The following CYP2C8 variants were observed in gnomAD, a reference collection of about 807,000 sequenced individuals.
CYP2C8 encodes the protein cytochrome P450 2C8.
Under a neutral mutation model 41.3 loss-of-function variants are expected in CYP2C8, and 51 were observed. The ratio of observed to expected loss-of-function variants is 1.24; its 90% confidence interval spans 0.99 to 1.56. The LOEUF is 1.56. CYP2C8 is among the 40% of genes most tolerant of loss of function. The pLI is 0.00. For synonymous variants in CYP2C8, 218 were observed against 205.8 expected (o/e 1.06, Z -0.51); for missense variants, 651 against 579.9 (o/e 1.12, Z -1.26).
chr10:95,060,328 G>A (rs2033401417), intron 4 of CYP2C8, among the ~76,000 whole-genome samples: 1 of 152,146 alleles, frequency 6.6e-6, no homozygotes, highest in African/African-American at 2.4e-5. Flanking sequence ...TTGAGCAGTT[G>A]TTTGTAGTTC....
At chr10:95,052,544 C>T (rs1425085200) in intron 5 of CYP2C8, among the ~76,000 whole-genome samples, 3 of 151,832 alleles carry the variant, frequency 2.0e-5, no homozygotes, top group Admixed American at 6.6e-5. Flanking sequence ...CAAAAATCCT[C>T]AAGAAAATAG....
chr10:95,047,531 A>G (rs1322792742), intron 5 of CYP2C8, among the ~76,000 whole-genome samples: 1 of 152,200 alleles, frequency 6.6e-6, no homozygotes, highest in Non-Finnish European at 1.5e-5. Context: ...CACAAAGACA[A>G]GACAGGTCTA....
At chr10:95,053,074 TAAAC>T (rs1479730962) in intron 5 of CYP2C8, among the ~76,000 whole-genome samples, 4 of 152,066 alleles carry the variant, frequency 2.6e-5, no homozygotes, top group African/African-American at 2.4e-5. Context: ...TGAGAAATAA[TAAAC>T]AAATTCCGTA....
At chr10:95,042,351 GTCATCAGAATAGTATAATTGAA>G (rs1402587945) in intron 7 of CYP2C8, among the ~76,000 whole-genome samples, 1 of 151,926 alleles carries the variant, frequency 6.6e-6, no homozygotes, top group Admixed American at 6.6e-5. Context: ...TAGATATAAG[GTCATCAGAATAGTATAATTGAA>G]TACAATTACT....
At position 95,042,975 on chromosome 10, in the gene CYP2C8, A is replaced by T. The variant is rs1285665051; in HGVS notation, c.1064T>A (p.Ile355Asn). The T allele has an allele frequency of 1.9e-6, 3 of 1,614,154 alleles. No homozygotes were observed. In the South Asian group the frequency reaches 3.3e-5, roughly 18 times the overall value. Residue 355 changes from isoleucine to asparagine, a missense_variant, in exon 7 of 9, where the codon ATC (isoleucine) becomes AAC (asparagine). Ile to Asn is a moderately radical substitution (Grantham distance 149). Transcript: ENST00000371270. The stretch of plus-strand genomic sequence containing the variant: ...GGGGACAAGGTCACTGTATCTCTGG[A>T]TCTCGTGCACTACAGCATCAGTGTA... Reference protein sequence around the residue: ...MPYTDAVVHEIQRYSDLVPTG... With the variant: ...MPYTDAVVHENQRYSDLVPTG...
intron 4 of CYP2C8, among the ~76,000 whole-genome samples, chr10:95,061,920 G>A (rs1055389735): frequency 2.0e-5 from 3 of 152,190 alleles, no homozygotes; most frequent in Non-Finnish European, 2.9e-5. Flanking sequence ...TCAGGAGCAG[G>A]TTGTTCAGTG....
intron 5 of CYP2C8, 38 bp downstream of exon 5, chr10:95,058,297 C>A (rs2033349790): frequency 1.2e-6 from 2 of 1,610,524 alleles, no homozygotes; most frequent in Non-Finnish European, 1.7e-6. Flanking sequence ...ACAAAATGGA[C>A]AAGAAATCAA....
intron 7 of CYP2C8, chr10:95,039,439 GTAAA>G: frequency 4.8e-6 from 1 of 207,394 alleles, no homozygotes; most frequent in Admixed American, 5.3e-5. Context: ...TAGAACTTTT[GTAAA>G]TAAACATGTA....
chr10:95,061,123 C>G (rs1206637703), intron 4 of CYP2C8, among the ~76,000 whole-genome samples: 1 of 152,128 alleles, frequency 6.6e-6, no homozygotes, highest in Non-Finnish European at 1.5e-5. Context: ...GTGTCTCTGC[C>G]AGGCTTTGTT....
intron 7 of CYP2C8, among the ~76,000 whole-genome samples, chr10:95,039,718 T>C (rs1170924238): frequency 6.6e-6 from 1 of 152,152 alleles, no homozygotes; most frequent in African/African-American, 2.4e-5. Context: ...TCCCATAGAT[T>C]TTTACTAGTT....
chr10:95,042,969 C>A lies in CYP2C8; in HGVS notation c.1070G>T (p.Arg357Ile). The A allele has an allele frequency of 6.2e-7, 1 of 1,614,204 alleles. No homozygotes were observed. Among genetic ancestry groups the A allele is most frequent in the Non-Finnish European group, 8.5e-7 (1 of 1,180,020 alleles). The change falls in exon 7 of 9, where the codon AGA (arginine) becomes ATA (isoleucine). Residue 357 changes from arginine (R) to isoleucine (I), a missense_variant. Physicochemically the swap from Arg to Ile is moderately conservative, Grantham distance 97. Coordinates refer to ENST00000371270, the MANE Select transcript of CYP2C8 (RefSeq NM_000770.3). ...ACCGGTGGGGACAAGGTCACTGTAT[C>A]TCTGGATCTCGTGCACTACAGCATC... ...YTDAVVHEIQRYSDLVPTGVP... is the reference protein window; with the variant it reads ...YTDAVVHEIQIYSDLVPTGVP...
intron 5 of CYP2C8, among the ~76,000 whole-genome samples, chr10:95,051,164 G>A (rs1189988186): frequency 1.3e-5 from 2 of 152,088 alleles, no homozygotes; most frequent in East Asian, 3.9e-4. Context: ...ATTTACAAGA[G>A]TCAAGCAGAG....
chr10:95,044,122 C>CT (rs1241399549), intron 6 of CYP2C8, among the ~76,000 whole-genome samples: 1 of 152,180 alleles, frequency 6.6e-6, no homozygotes, highest in Non-Finnish European at 1.5e-5. Context: ...CTCTGACACT[C>CT]TCATTCTCTT....
intron 7 of CYP2C8, 24 bp downstream of exon 7, chr10:95,042,866 A>G: frequency 6.3e-7 from 1 of 1,597,536 alleles, no homozygotes; most frequent in Non-Finnish European, 8.6e-7. Flanking sequence ...GTACAGAAAT[A>G]TAGTGTAAGA....
At chr10:95,066,153 A>AGAGAGAGAGAGAGAGAGTGT (rs1342809282) in intron 3 of CYP2C8, among the ~76,000 whole-genome samples, 6 of 88,272 alleles carry the variant, frequency 6.8e-5, no homozygotes, top group South Asian at 4.2e-4. Flanking sequence ...AGAGAGAGAG[A>AGAGAGAGAGAGAGAGAGTGT]GTGTGTGTGT....
chr10:95,058,616 TC>T, intron 4 of CYP2C8, 105 bp from the exon 5 acceptor site: 1 of 1,073,156 alleles, frequency 9.3e-7, no homozygotes, highest in Non-Finnish European at 1.3e-6. Context: ...AGACATCATG[TC>T]CATTTTGAAG....
chr10:95,065,551 C>A (rs2033543906), intron 3 of CYP2C8, among the ~76,000 whole-genome samples: 1 of 152,114 alleles, frequency 6.6e-6, no homozygotes, highest in African/African-American at 2.4e-5. Context: ...AAAATGCTAA[C>A]TTTTTATTTC....
intron 3 of CYP2C8, among the ~76,000 whole-genome samples, chr10:95,066,195 AG>A: frequency 7.7e-6 from 1 of 130,402 alleles, no homozygotes; most frequent in East Asian, 2.1e-4. Flanking sequence ...TGTGTTTCTC[AG>A]GTACAATCTG....
At chr10:95,046,066 A>C in intron 5 of CYP2C8, 115 bp from the exon 6 acceptor site, 6 of 1,187,256 alleles carry the variant, frequency 5.1e-6, no homozygotes, top group Non-Finnish European at 7.2e-6. Flanking sequence ...ACTGGACAGT[A>C]CAGTATTAGA....
Sources: gnomAD v4.1 joint callset for allele counts (sites outside exome capture counted in the v4.1 genomes callset) on GRCh38, gnomAD v4.1.1 for gene constraint, MANE v1.5 for transcripts, NCBI Gene and HGNC (gene_info 2026-07-23, HGNC 2026-07-21) for gene names.